The following PLEKHG1 variants were observed in gnomAD, a reference collection of about 807,000 sequenced individuals.
PLEKHG1 encodes the protein pleckstrin homology and RhoGEF domain containing G1.
PLEKHG1 carries 44 observed loss-of-function variants against 100.8 expected under a neutral mutation model. The observed-to-expected ratio is 0.44, with a 90% CI of 0.34 to 0.56. The LOEUF is 0.56. PLEKHG1 is among the 20% of genes least tolerant of loss of function. The pLI, the probability that PLEKHG1 is intolerant of heterozygous loss-of-function variation, is 0.01. For synonymous variants in PLEKHG1, 640 were observed against 662.5 expected, an observed-to-expected ratio of 0.97 and a Z score of 0.52; for missense variants, 1,545 against 1,720.9, an observed-to-expected ratio of 0.90 and a Z score of 1.81.
chr6:150,672,133 CA>C lies in PLEKHG1; in HGVS notation c.-99+21354del, dbSNP rs973221509. Reference sequence around the variant, plus strand: ...AATAGAGAAGTTATTCTCCAGGACACAAAAAAATATGCAGATGTTATCAAAG... The same window carrying C: ...AATAGAGAAGTTATTCTCCAGGACACAAAAAATATGCAGATGTTATCAAAG... On this transcript the variant is annotated intron_variant, in intron 3 of 3. Transcript: ENST00000367326. Among the ~76,000 whole-genome samples the C allele has an allele frequency of 3.4e-4, 51 of 151,734 alleles. No homozygotes were observed. In the Middle Eastern group the frequency reaches 0.01, roughly 30 times the overall value.
chr6:150,770,468 A>G (rs534547726), intron 3 of PLEKHG1, among the ~76,000 whole-genome samples: 6 of 152,232 alleles, frequency 3.9e-5, no homozygotes, highest in South Asian at 4.1e-4. Flanking sequence ...TTGCATCAGT[A>G]TTTCTCAACC....
rs367809866 is a variant in PLEKHG1 at position 150,823,080 on chromosome 6, C to T, written c.1448-574C>T. Among the ~76,000 whole-genome samples, 68 of 152,244 alleles carry T rather than the reference C, an allele frequency of 4.5e-4. 4 individuals are homozygous for T. The South Asian group carries it at 0.01, about 23-fold the overall frequency. ...ATTCAGCTGTTAACTGTTGTTTCCT[C>T]GGAGGATGGGATCTGTGGAGAGGGA... On this transcript the variant is annotated intron_variant, in intron 13 of 15. Transcript: ENST00000358517.
intron 1 of PLEKHG1, among the ~76,000 whole-genome samples, chr6:150,620,326 C>G (rs1267779944): frequency 6.6e-6 from 1 of 152,218 alleles, no homozygotes; most frequent in East Asian, 1.9e-4. Context: ...GCGTTTCTCT[C>G]CAAGGAAGAC....
chr6:150,825,955 G>T (rs1776572943), intron 14 of PLEKHG1, among the ~76,000 whole-genome samples: 1 of 152,020 alleles, frequency 6.6e-6, no homozygotes, highest in Non-Finnish European at 1.5e-5. Context: ...GAGGTGGTTG[G>T]ATCACCTGAG....
chr6:150,763,184 C>T (rs1784272864), intron 2 of PLEKHG1, among the ~76,000 whole-genome samples: 1 of 151,852 alleles, frequency 6.6e-6, no homozygotes, highest in Non-Finnish European at 1.5e-5. Flanking sequence ...CCCACCACCA[C>T]ACTTGGCTAA....
intron 1 of PLEKHG1, among the ~76,000 whole-genome samples, chr6:150,611,020 G>A (rs905444729): frequency 3.9e-5 from 6 of 152,174 alleles, no homozygotes; most frequent in Admixed American, 3.3e-4. Context: ...TGATATATGG[G>A]GAGGGCATCA....
intron 2 of PLEKHG1, among the ~76,000 whole-genome samples, chr6:150,735,433 A>T (rs1162207045): frequency 6.6e-6 from 1 of 152,218 alleles, no homozygotes; most frequent in Admixed American, 6.5e-5. Context: ...GCCAATGAGC[A>T]TGTTCTTCCC....
At chr6:150,719,801 C>T (rs1378164994), upstream of PLEKHG1, among the ~76,000 whole-genome samples, 7 of 152,174 alleles carry the variant, frequency 4.6e-5, no homozygotes, top group Non-Finnish European at 7.3e-5. Flanking sequence ...CTCAAACTGC[C>T]TTCTCAGCAT....
At chr6:150,723,044 A>G (rs2128610815) in intron 1 of PLEKHG1, among the ~76,000 whole-genome samples, 1 of 152,304 alleles carries the variant, frequency 6.6e-6, no homozygotes, top group Admixed American at 6.5e-5. Context: ...TAGGATGTAG[A>G]AGAAACTGCT....
chr6:150,690,037 T>C (rs1388050195), intron 3 of PLEKHG1, among the ~76,000 whole-genome samples: 1 of 152,156 alleles, frequency 6.6e-6, no homozygotes, highest in Admixed American at 6.6e-5. Context: ...AGCATTTTAC[T>C]GTACCATGTC....
chr6:150,713,780 G>A lies in PLEKHG1; in HGVS notation c.-98-19804G>A, dbSNP rs193184036. On this transcript the variant is annotated intron_variant, in intron 3 of 3. Coordinates refer to the PLEKHG1 transcript ENST00000367326. ...GGTGGGGGGCAGTTGGCAAGGTGGA[G>A]CTGAGCCCTCTCCTTCATTCCATTG... Among the ~76,000 whole-genome samples the A allele has an allele frequency of 5.9e-5, 9 of 152,288 alleles. No individual in the cohort carries two copies. In the East Asian group the frequency reaches 1.7e-3, roughly 29 times the overall value.
intron 6 of PLEKHG1, among the ~76,000 whole-genome samples, chr6:150,803,272 C>G (rs1021545287): frequency 6.6e-6 from 1 of 152,094 alleles, no homozygotes; most frequent in South Asian, 2.1e-4. Context: ...TAACCTCCAC[C>G]CGTTAGCTGA....
At position 150,821,904 on chromosome 6, in the gene PLEKHG1, C is replaced by T. The variant is rs373034775; in HGVS notation, c.1447+671C>T. On this transcript the variant is annotated intron_variant, in intron 13 of 15. Coordinates refer to ENST00000358517, the Ensembl canonical transcript of PLEKHG1. ...TTGCCCAGGCTAGAGTGCAATAGCG[C>T]GATCTCGGCTCACCTCAACCTCTGC... 9.3e-5 allele frequency among the ~76,000 whole-genome samples: 14 copies of T among 149,972 alleles called. No homozygotes were observed. The East Asian group carries it at 1.2e-3, about 13-fold the overall frequency.
chr6:150,671,545 G>A (rs1394145781), intron 3 of PLEKHG1, among the ~76,000 whole-genome samples: 1 of 152,228 alleles, frequency 6.6e-6, no homozygotes, highest in Non-Finnish European at 1.5e-5. Context: ...TTTATGGAAG[G>A]ACTCCATATG....
At chr6:150,677,311 C>T (rs9372085) in intron 3 of PLEKHG1, among the ~76,000 whole-genome samples, 27,518 of 148,668 alleles carry the variant, frequency 0.19, 3,213 homozygotes, top group African/African-American at 0.33. Context: ...CACGCGCGCG[C>T]GCACACACAC....
At chr6:150,816,165 G>A (rs753764294) in intron 10 of PLEKHG1, among the ~76,000 whole-genome samples, 6 of 151,944 alleles carry the variant, frequency 3.9e-5, no homozygotes, top group Non-Finnish European at 7.4e-5. Context: ...TGTCCAGTCT[G>A]CTCTCATCTT....
chr6:150,823,758 C>T (rs899916791), intron 14 of PLEKHG1, 82 bp downstream of exon 15: 10 of 920,270 alleles, frequency 1.1e-5, no homozygotes, highest in Middle Eastern at 2.2e-4. Flanking sequence ...TCTGTCATCT[C>T]CAGCCCGTAT....
chr6:150,634,582 A>C (rs893504806), intron 1 of PLEKHG1, among the ~76,000 whole-genome samples: 3 of 152,252 alleles, frequency 2.0e-5, no homozygotes, highest in Non-Finnish European at 4.4e-5. Context: ...TAAGTGAATA[A>C]AAATAAACAT....
intron 3 of PLEKHG1, among the ~76,000 whole-genome samples, chr6:150,704,392 G>A (rs574411592): frequency 1.3e-5 from 2 of 152,190 alleles, no homozygotes; most frequent in African/African-American, 2.4e-5. Context: ...CTGGACCCCA[G>A]CATGATTCCT....
Sources: allele counts gnomAD v4.1 joint callset (sites outside exome capture counted in the v4.1 genomes callset), GRCh38; gene constraint gnomAD v4.1.1; transcripts MANE v1.5; gene names NCBI Gene and HGNC (gene_info 2026-07-23, HGNC 2026-07-21).